SLC24A2: variants seen among roughly 807,000 people sequenced by gnomAD.
SLC24A2 encodes the protein sodium/potassium/calcium exchanger 2.
SLC24A2 carries 36 observed loss-of-function variants against 62.0 expected under a neutral mutation model. The ratio of observed to expected loss-of-function variants is 0.58; its 90% confidence interval spans 0.44 to 0.77. The LOEUF (loss-of-function observed/expected upper bound fraction) is 0.77. Among genes scored for constraint, SLC24A2 ranks in the 30% least tolerant of loss-of-function variants. The pLI, the probability that SLC24A2 is intolerant of heterozygous loss-of-function variation, is 0.00. For synonymous variants in SLC24A2, 358 were observed against 294.0 expected (o/e 1.22, Z -2.23); for missense variants, 846 against 817.9 (o/e 1.03, Z -0.42).
chr9:19,839,852 G>C, the SLC24A2 span, among the ~76,000 whole-genome samples: 11 of 152,154 alleles, frequency 7.2e-5, no homozygotes, highest in African/African-American at 2.7e-4. Context: ...CATAGCCATT[G>C]TGTTAACTGC....
the SLC24A2 span, among the ~76,000 whole-genome samples, chr9:20,261,802 C>T: frequency 8.0e-6 from 1 of 125,350 alleles, no homozygotes; most frequent in Non-Finnish European, 1.5e-5. Context: ...TGCAGTGGCA[C>T]GATCTCGGCT....
the SLC24A2 span, among the ~76,000 whole-genome samples, chr9:20,134,943 C>T: frequency 5.3e-5 from 8 of 152,122 alleles, no homozygotes; most frequent in African/African-American, 1.9e-4. Context: ...AATCTGTCTG[C>T]CTTTTGTAGG....
the SLC24A2 span, among the ~76,000 whole-genome samples, chr9:20,265,963 T>G: frequency 6.6e-6 from 1 of 152,180 alleles, no homozygotes; most frequent in Non-Finnish European, 1.5e-5. Context: ...CCAGGCTTAT[T>G]AGGACCAGGA....
At chr9:20,275,967 C>A in the SLC24A2 span, among the ~76,000 whole-genome samples, 2 of 152,084 alleles carry the variant, frequency 1.3e-5, no homozygotes, top group African/African-American at 2.4e-5. Flanking sequence ...TACCTCCTAC[C>A]GGGTCCCTCC....
At chr9:19,934,346 T>G in the SLC24A2 span, among the ~76,000 whole-genome samples, 1 of 152,136 alleles carries the variant, frequency 6.6e-6, no homozygotes. The surrounding 1 kb of genome is among the most constrained non-coding windows in gnomAD (Gnocchi z 4.1). Flanking sequence ...GGTGGCTTCA[T>G]GTCTCAGCGT....
At chr9:19,805,174 A>G in the SLC24A2 span, among the ~76,000 whole-genome samples, 2 of 152,160 alleles carry the variant, frequency 1.3e-5, no homozygotes, top group African/African-American at 4.8e-5. Context: ...GTACCCACCT[A>G]CATTTCATGG....
chr9:19,770,585 A>G (rs1822656199), intron 2 of SLC24A2, among the ~76,000 whole-genome samples: 1 of 152,192 alleles, frequency 6.6e-6, no homozygotes, highest in Non-Finnish European at 1.5e-5. Flanking sequence ...ACTATCCTAC[A>G]AGACAAGAGA....
chr9:19,903,521 A>G, the SLC24A2 span, among the ~76,000 whole-genome samples: 2 of 152,350 alleles, frequency 1.3e-5, no homozygotes, highest in African/African-American at 4.8e-5. Context: ...GTAGGGAGGC[A>G]TAACTCAGGA....
chr9:20,038,180 T>C, the SLC24A2 span, among the ~76,000 whole-genome samples: 424 of 152,344 alleles, frequency 2.8e-3, 2 homozygotes, highest in African/African-American at 9.6e-3. Context: ...GTTAAGTTTC[T>C]TGCACTTGAA....
intron 9 of SLC24A2, among the ~76,000 whole-genome samples, chr9:19,526,577 T>G (rs527253861): frequency 2.6e-5 from 4 of 152,326 alleles, no homozygotes; most frequent in African/African-American, 9.6e-5. Flanking sequence ...GTTATGGTTT[T>G]GATTTACACT....
intron 2 of SLC24A2, among the ~76,000 whole-genome samples, chr9:19,680,324 G>C (rs1819683801): frequency 6.6e-6 from 1 of 152,100 alleles, no homozygotes; most frequent in Non-Finnish European, 1.5e-5. Context: ...CTACGCAAAG[G>C]CATGGATGCA....
At chr9:19,521,203 A>G in intron 9 of SLC24A2, 143 bp from the exon 10 acceptor site, 1 of 764,250 alleles carries the variant, frequency 1.3e-6, no homozygotes, top group South Asian at 1.5e-5. Flanking sequence ...TGAATAAGCC[A>G]CAGTCATTGC....
chr9:20,029,964 T>A, the SLC24A2 span, among the ~76,000 whole-genome samples: 1 of 152,188 alleles, frequency 6.6e-6, no homozygotes, highest in South Asian at 2.1e-4. Context: ...AATGGGCCTG[T>A]ACTAAACTTG....
intron 2 of SLC24A2, among the ~76,000 whole-genome samples, chr9:19,678,825 T>A (rs1309761085): frequency 2.0e-5 from 3 of 152,222 alleles, no homozygotes; most frequent in Non-Finnish European, 2.9e-5. Context: ...ACCTTCTCAT[T>A]GTTCACAGAA....
chr9:20,186,754 T>C, the SLC24A2 span, among the ~76,000 whole-genome samples: 1 of 152,242 alleles, frequency 6.6e-6, no homozygotes, highest in Non-Finnish European at 1.5e-5. Context: ...AATGTTATGA[T>C]ATATTTTAAA....
the SLC24A2 span, among the ~76,000 whole-genome samples, chr9:20,279,910 A>T: frequency 1.3e-5 from 2 of 152,228 alleles, no homozygotes; most frequent in Non-Finnish European, 2.9e-5. Flanking sequence ...CTGAGTATTT[A>T]TAAAATTTGT....
chr9:20,120,205 T>C, the SLC24A2 span, among the ~76,000 whole-genome samples: 2 of 152,206 alleles, frequency 1.3e-5, no homozygotes, highest in African/African-American at 4.8e-5. Context: ...AAACTTTGAT[T>C]GGGTAAATGT....
the SLC24A2 span, among the ~76,000 whole-genome samples, chr9:20,290,970 C>G: frequency 6.6e-6 from 1 of 152,142 alleles, no homozygotes; most frequent in African/African-American, 2.4e-5. Context: ...AGCTATGGCC[C>G]TGCACCAAGG....
At chr9:19,551,194 A>G (rs766494108) in intron 7 of SLC24A2, among the ~76,000 whole-genome samples, 1 of 152,340 alleles carries the variant, frequency 6.6e-6, no homozygotes, top group African/African-American at 2.4e-5. Context: ...ATTCTAAACC[A>G]TTGTACTTGC....
Sources: gnomAD v4.1 joint callset for allele counts (sites outside exome capture counted in the v4.1 genomes callset) on GRCh38, gnomAD v4.1.1 for gene constraint, Gnocchi (gnomAD v3.1) non-coding constraint, MANE v1.5 for transcripts, NCBI Gene and HGNC (gene_info 2026-07-23, HGNC 2026-07-21) for gene names.